OCA2: variants seen among roughly 807,000 people sequenced by gnomAD.
OCA2 encodes OCA2 melanosomal transmembrane protein, also known as P protein.
OCA2 carries 77 observed loss-of-function variants against 100.2 expected under a neutral mutation model. That is an observed-to-expected ratio of 0.77 (90% CI 0.64 to 0.93). The LOEUF (loss-of-function observed/expected upper bound fraction) is 0.93. Ranked by LOEUF, OCA2 falls within the 40% of genes least tolerant of loss-of-function variation. The pLI, the probability that OCA2 is intolerant of heterozygous loss-of-function variation, is 0.00. For missense variants in OCA2, 1,062 were observed against 1,089.1 expected (o/e 0.98, Z 0.35); for synonymous variants, 432 against 439.2 (o/e 0.98, Z 0.21).
At chr15:27,722,656 CTCT>C in the OCA2 span, among the ~76,000 whole-genome samples, 1 of 74,298 alleles carries the variant, frequency 1.3e-5, no homozygotes, top group African/African-American at 5.2e-5. Context: ...CTTCTTTTCT[CTCT>C]TTCTTTCCTT....
intron 12 of OCA2, among the ~76,000 whole-genome samples, chr15:27,985,695 AT>A (rs397958352): frequency 2.2e-3 from 315 of 145,036 alleles, no homozygotes; most frequent in Middle Eastern, 7.2e-3. Flanking sequence ...TTGTTGAGTA[AT>A]TTTTTTTTTT....
intron 9 of OCA2, 111 bp downstream of exon 9, chr15:28,014,665 A>T: frequency 8.8e-7 from 1 of 1,138,350 alleles, no homozygotes; most frequent in Non-Finnish European, 1.3e-6. Context: ...TGATGACACT[A>T]GTCCAGTTTG....
chr15:27,956,399 G>A (rs554718988), intron 16 of OCA2, among the ~76,000 whole-genome samples: 82 of 152,246 alleles, frequency 5.4e-4, no homozygotes, highest in African/African-American at 1.9e-3. Flanking sequence ...CACCCTCATG[G>A]TAATCTGCTT....
At chr15:27,873,546 C>G (rs1301282576) in intron 19 of OCA2, among the ~76,000 whole-genome samples, 1 of 152,066 alleles carries the variant, frequency 6.6e-6, no homozygotes, top group Admixed American at 6.5e-5. Context: ...AATGTTCTGC[C>G]AAATACCAAA....
chr15:27,843,773 A>G (rs1475536034), intron 23 of OCA2, among the ~76,000 whole-genome samples: 1 of 152,136 alleles, frequency 6.6e-6, no homozygotes. Context: ...CCAACGTGCT[A>G]GTGTTCAAAG....
At chr15:28,064,118 C>CCA (rs1301777730) in intron 2 of OCA2, among the ~76,000 whole-genome samples, 5 of 152,070 alleles carry the variant, frequency 3.3e-5, no homozygotes, top group Non-Finnish European at 7.4e-5. Flanking sequence ...ATATGTCATC[C>CCA]CACTGCCTTC....
At chr15:27,972,272 C>T (rs779476355) in intron 14 of OCA2, among the ~76,000 whole-genome samples, 17 of 152,124 alleles carry the variant, frequency 1.1e-4, no homozygotes, top group Non-Finnish European at 2.2e-4. Context: ...AGGTTGAGTC[C>T]ATATCTCTGC....
At chr15:28,044,244 C>A (rs1325875282) in intron 2 of OCA2, among the ~76,000 whole-genome samples, 1 of 152,208 alleles carries the variant, frequency 6.6e-6, no homozygotes, top group Non-Finnish European at 1.5e-5. Context: ...ATGAAACATT[C>A]AAGGGCATTC....
rs1213154885 is a variant in OCA2, at chr15:28,043,203, T to C, written c.228-11040A>G. 6.6e-6 allele frequency among the ~76,000 whole-genome samples: 1 copy of C among 152,190 alleles called. No homozygotes were observed. Among genetic ancestry groups the C allele is most frequent in the African/African-American group, 2.4e-5 (1 of 41,446 alleles). ...GTAAGAACATCACCTGTATTTAAGG[T>C]CTAATTTCAATTGTCCTTTCCCCTA... On this transcript the variant is annotated intron_variant, in intron 2 of 23. Transcript: ENST00000354638. The surrounding 1 kb of genome is among the most constrained non-coding windows in gnomAD (Gnocchi z 4.4).
chr15:27,948,875 G>C (rs973581766), intron 18 of OCA2, among the ~76,000 whole-genome samples: 1 of 152,274 alleles, frequency 6.6e-6, no homozygotes, highest in South Asian at 2.1e-4. Flanking sequence ...CCATGTATAT[G>C]ACAGCCCCAA....
chr15:27,832,980 AT>A (rs151226140), intron 23 of OCA2, among the ~76,000 whole-genome samples: 10,805 of 151,660 alleles, frequency 0.071, 515 homozygotes, highest in African/African-American at 0.14. Context: ...CGCCCAGCTG[AT>A]TTTTTTGTAT....
At chr15:27,751,621 C>T (rs1397212413), downstream of OCA2, among the ~76,000 whole-genome samples, 1 of 152,240 alleles carries the variant, frequency 6.6e-6, no homozygotes, top group Admixed American at 6.5e-5. Context: ...GCAAGTGCAG[C>T]TCACAGGTCC....
At chr15:27,862,006 A>G (rs1026207757) in intron 21 of OCA2, among the ~76,000 whole-genome samples, 22 of 152,356 alleles carry the variant, frequency 1.4e-4, no homozygotes, top group African/African-American at 4.8e-4. Flanking sequence ...CGTCACGTGG[A>G]AAGTGCCCAC....
intron 9 of OCA2, among the ~76,000 whole-genome samples, chr15:28,001,502 C>T (rs1041294888): frequency 1.3e-5 from 2 of 152,082 alleles, no homozygotes; most frequent in Non-Finnish European, 2.9e-5. Flanking sequence ...GGCACTGGGG[C>T]AGTGTGGTCA....
chr15:27,843,034 TGC>T (rs2035399371), intron 23 of OCA2, among the ~76,000 whole-genome samples: 1 of 151,886 alleles, frequency 6.6e-6, no homozygotes, highest in Admixed American at 6.5e-5. Flanking sequence ...AGACTGGGGT[TGC>T]CCTAAAAACC....
chr15:27,972,991 G>A (rs1051620412), intron 14 of OCA2, among the ~76,000 whole-genome samples: 39 of 151,410 alleles, frequency 2.6e-4, no homozygotes, highest in Admixed American at 1.2e-3. Flanking sequence ...TCAGCCTCCC[G>A]AGTAGCTGGG....
chr15:28,048,422 G>A (rs1056000311), intron 2 of OCA2, among the ~76,000 whole-genome samples: 1 of 152,208 alleles, frequency 6.6e-6, no homozygotes, highest in Non-Finnish European at 1.5e-5. Flanking sequence ...TGGCAAGAGT[G>A]CAAAGACCAT....
At chr15:27,865,238 C>G (rs1044185511) in intron 21 of OCA2, among the ~76,000 whole-genome samples, 2 of 152,156 alleles carry the variant, frequency 1.3e-5, no homozygotes, top group Non-Finnish European at 2.9e-5. Flanking sequence ...CCACACAGCT[C>G]AGGCCCCCGC....
Position 28,082,807 on chromosome 15 carries a change from T to A in OCA2, c.-21-912A>T, listed in dbSNP as rs983756943. 8.5e-5 allele frequency among the ~76,000 whole-genome samples: 13 copies of A among 152,118 alleles called. 1 individual carries two copies. Among genetic ancestry groups the A allele is most frequent in the Admixed American group, 7.8e-4 (12 of 15,288 alleles). On this transcript the variant is annotated intron_variant, in intron 1 of 23. Coordinates refer to ENST00000354638, the MANE Select transcript of OCA2 (RefSeq NM_000275.3). The stretch of plus-strand genomic sequence containing the variant: ...TCTATGATTTTCACATTTTTTGCAT[T>A]TAGCAAATTAATACTATTCTGGTGA...
Sources: gnomAD v4.1 joint callset for allele counts (sites outside exome capture counted in the v4.1 genomes callset) on GRCh38, gnomAD v4.1.1 for gene constraint, Gnocchi (gnomAD v3.1) non-coding constraint, MANE v1.5 for transcripts, NCBI Gene and HGNC (gene_info 2026-07-23, HGNC 2026-07-21) for gene names.